The following PCDH9 variants were observed in gnomAD, a reference collection of about 807,000 sequenced individuals.
PCDH9 encodes the protein protocadherin-9.
Under a neutral mutation model 70.6 loss-of-function variants are expected in PCDH9, and 24 were observed. The ratio of observed to expected loss-of-function variants is 0.34; its 90% CI spans 0.25 to 0.48. The LOEUF (loss-of-function observed/expected upper bound fraction) is 0.48, where lower values mean the gene tolerates loss of function less well. PCDH9 is among the 20% of genes least tolerant of loss of function. PCDH9 has a pLI of 0.99. For synonymous variants in PCDH9, 562 were observed against 558.5 expected (o/e 1.01, Z -0.09); for missense variants, 1,281 against 1,503.6 (o/e 0.85, Z 2.45).
chr13:67,094,679 C>G (rs1315540978), intron 2 of PCDH9, among the ~76,000 whole-genome samples: 1 of 145,020 alleles, frequency 6.9e-6, no homozygotes, highest in African/African-American at 2.5e-5. Context: ...TTTTTTTTTT[C>G]GGTCTTCATA....
intron 3 of PCDH9, among the ~76,000 whole-genome samples, chr13:66,861,149 A>G (rs2081476639): frequency 6.6e-6 from 1 of 152,232 alleles, no homozygotes. Flanking sequence ...GGGTGGTGTG[A>G]AAATCACCCA....
chr13:66,666,906 C>T (rs375462191), intron 3 of PCDH9, among the ~76,000 whole-genome samples: 5 of 152,200 alleles, frequency 3.3e-5, no homozygotes, highest in African/African-American at 1.2e-4. Context: ...ATTTTTATCA[C>T]CCTCCTCCTC....
intron 3 of PCDH9, among the ~76,000 whole-genome samples, chr13:66,640,364 C>A (rs1269270086): frequency 6.6e-6 from 1 of 152,132 alleles, no homozygotes; most frequent in Admixed American, 6.6e-5. Flanking sequence ...TAGCATTCCC[C>A]TTGTTAATAA....
At chr13:66,968,199 CA>C (rs1245995067) in intron 2 of PCDH9, among the ~76,000 whole-genome samples, 1 of 151,980 alleles carries the variant, frequency 6.6e-6, no homozygotes, top group Non-Finnish European at 1.5e-5. Context: ...AACACTTTCC[CA>C]ACCAACTATC....
At chr13:66,421,303 T>C (rs887869682) in intron 4 of PCDH9, among the ~76,000 whole-genome samples, 4 of 152,028 alleles carry the variant, frequency 2.6e-5, no homozygotes, top group Non-Finnish European at 5.9e-5. Context: ...CAGGCCAACA[T>C]TGAAATTCAG....
At chr13:66,735,524 T>C (rs1391796430) in intron 3 of PCDH9, among the ~76,000 whole-genome samples, 1 of 152,100 alleles carries the variant, frequency 6.6e-6, no homozygotes, top group Admixed American at 6.6e-5. Context: ...AAATCTTAAA[T>C]ATGAGCACAT....
intron 2 of PCDH9, among the ~76,000 whole-genome samples, chr13:66,944,843 G>GTCTGTGTC (rs1555289279): frequency 4.7e-5 from 7 of 150,432 alleles, no homozygotes; most frequent in Admixed American, 3.3e-4. Context: ...GTGTGTGTGT[G>GTCTGTGTC]TGTGTGTGTG....
At chr13:66,560,978 CT>C (rs1961987967) in intron 4 of PCDH9, among the ~76,000 whole-genome samples, 1 of 152,236 alleles carries the variant, frequency 6.6e-6, no homozygotes, top group African/African-American at 2.4e-5. Context: ...TTGAGGAGCC[CT>C]TCAGCCTGCC....
chr13:66,686,927 A>C (rs1020403855), intron 3 of PCDH9, among the ~76,000 whole-genome samples: 8 of 152,208 alleles, frequency 5.3e-5, no homozygotes, highest in Non-Finnish European at 1.0e-4. Context: ...AAGGAGACTG[A>C]ATACAGAGAA....
Position 67,191,298 on chromosome 13 carries a change from G to A in PCDH9, c.3036+34107C>T, listed in dbSNP as rs112132382. ...ATTCTTTGGAGAATGTACATTCCTC[G>A]AAAATATAAATTCCTGGAAAACAGG... On this transcript the variant is annotated intron_variant, in intron 2 of 4. Coordinates refer to ENST00000377865, the MANE Select transcript of PCDH9 (RefSeq NM_203487.3). Among the ~76,000 whole-genome samples, 132 of 151,996 alleles carry A rather than the reference G, an allele frequency of 8.7e-4. 1 individual carries two copies. Among genetic ancestry groups the A allele is most frequent in the African/African-American group, 3.0e-3 (124 of 41,484 alleles).
chr13:66,747,356 A>G (rs1211985081), intron 3 of PCDH9, among the ~76,000 whole-genome samples: 1 of 22,122 alleles, frequency 4.5e-5, no homozygotes, highest in Non-Finnish European at 1.7e-4. Context: ...ATCTCAAAAC[A>G]AAACAAAACA....
At chr13:66,800,253 A>G (rs1424325457) in intron 3 of PCDH9, among the ~76,000 whole-genome samples, 4 of 151,798 alleles carry the variant, frequency 2.6e-5, no homozygotes, top group Non-Finnish European at 5.9e-5. Context: ...CCCGGGATCT[A>G]TTTCTTCTTT....
At chr13:67,192,503 G>A (rs1000535588) in intron 2 of PCDH9, among the ~76,000 whole-genome samples, 6 of 152,128 alleles carry the variant, frequency 3.9e-5, no homozygotes, top group Non-Finnish European at 8.8e-5. Context: ...AGGTTTATGA[G>A]TGCTTTTATA....
chr13:67,111,295 A>G (rs1296204972), intron 2 of PCDH9, among the ~76,000 whole-genome samples: 4 of 152,204 alleles, frequency 2.6e-5, no homozygotes, highest in Non-Finnish European at 1.5e-5. Context: ...TATAGTCGTT[A>G]TCATTCTGAG....
intron 4 of PCDH9, among the ~76,000 whole-genome samples, chr13:66,507,337 T>C (rs946052130): frequency 1.3e-5 from 2 of 152,180 alleles, no homozygotes; most frequent in Admixed American, 6.5e-5. Context: ...CATTTTTATG[T>C]AGCAAAAATT....
At chr13:66,772,467 G>T (rs2079823235) in intron 3 of PCDH9, among the ~76,000 whole-genome samples, 1 of 152,148 alleles carries the variant, frequency 6.6e-6, no homozygotes, top group South Asian at 2.1e-4. Context: ...GTAAGCAAAT[G>T]AAAGCTGTGT....
intron 2 of PCDH9, among the ~76,000 whole-genome samples, chr13:67,074,116 ATCTATCTG>A (rs1433389945): frequency 1.1e-4 from 16 of 151,644 alleles, no homozygotes; most frequent in African/African-American, 2.4e-4. Flanking sequence ...CTATCTATCT[ATCTATCTG>A]TCTATCTATC....
intron 2 of PCDH9, among the ~76,000 whole-genome samples, chr13:67,053,832 T>C (rs1179421095): frequency 6.6e-6 from 1 of 152,226 alleles, no homozygotes; most frequent in Non-Finnish European, 1.5e-5. Context: ...ACACCTAGCA[T>C]TTAATGAGCA....
chr13:66,593,963 T>C (rs555372601), intron 4 of PCDH9, among the ~76,000 whole-genome samples: 2 of 151,518 alleles, frequency 1.3e-5, no homozygotes, highest in South Asian at 2.1e-4. Flanking sequence ...TAATCATTAG[T>C]TTTTTTTCAG....
Sources: gnomAD v4.1 joint callset for allele counts (sites outside exome capture counted in the v4.1 genomes callset) on GRCh38, gnomAD v4.1.1 for gene constraint, MANE v1.5 for transcripts, NCBI Gene and HGNC (gene_info 2026-07-23, HGNC 2026-07-21) for gene names.